The following GALNT17 variants were observed in gnomAD, a reference collection of about 807,000 sequenced individuals.
The protein encoded by GALNT17 is UDP-GalNAc:polypeptide N-acetylgalactosaminyltransferase-like 3.
Under a neutral mutation model 63.7 loss-of-function variants are expected in GALNT17, and 29 were observed. The observed-to-expected ratio is 0.46, with a 90% CI of 0.34 to 0.62. The LOEUF is 0.62. Among genes scored for constraint, GALNT17 ranks in the 20% least tolerant of loss-of-function variants. GALNT17 has a pLI of 0.01. For missense variants in GALNT17, 603 were observed against 799.6 expected (o/e 0.75, Z 2.97); for synonymous variants, 305 against 318.3 (o/e 0.96, Z 0.45).
chr7:71,316,904 A>G (rs1362328717), intron 1 of GALNT17, among the ~76,000 whole-genome samples: 3 of 152,206 alleles, frequency 2.0e-5, no homozygotes, highest in Non-Finnish European at 4.4e-5. Context: ...ACCAAAAACA[A>G]TACATTCAGG....
intron 1 of GALNT17, among the ~76,000 whole-genome samples, chr7:71,185,195 C>CTCTG (rs751342703): frequency 7.1e-6 from 1 of 141,702 alleles, no homozygotes; most frequent in Non-Finnish European, 1.5e-5. Context: ...CTCTGTCTCT[C>CTCTG]TCTGTCTGTC....
chr7:71,222,207 CT>C (rs1233209994), intron 1 of GALNT17, among the ~76,000 whole-genome samples: 7 of 151,844 alleles, frequency 4.6e-5, no homozygotes, highest in African/African-American at 1.7e-4. Flanking sequence ...ACTGCTGGCC[CT>C]TATTTAGATT....
intron 9 of GALNT17, among the ~76,000 whole-genome samples, chr7:71,699,526 A>G (rs565180572): frequency 6.6e-6 from 1 of 152,082 alleles, no homozygotes; most frequent in Admixed American, 6.5e-5. Context: ...GGAGAGTGAA[A>G]TGTTGAATTA....
At chr7:71,350,549 TAAAA>T (rs897610891) in intron 2 of GALNT17, among the ~76,000 whole-genome samples, 5 of 151,788 alleles carry the variant, frequency 3.3e-5, no homozygotes, top group African/African-American at 9.7e-5. Context: ...AAAATACAAA[TAAAA>T]AAACACTACA....
chr7:71,320,788 G>A (rs1791591910), intron 1 of GALNT17, among the ~76,000 whole-genome samples: 1 of 152,012 alleles, frequency 6.6e-6, no homozygotes, highest in African/African-American at 2.4e-5. Context: ...ATTTTATTAG[G>A]GTGATCCGTT....
At position 71,182,184 on chromosome 7, in the gene GALNT17, AAAT is replaced by A. The variant is rs1285952968; in HGVS notation, c.238+49147_238+49149del. ...GAGCGAAACTCCATCTAAAAAAAAT[AAAT>A]AAATAAGAGAGAGAATCACTAGTTG... On this transcript the variant is annotated intron_variant, in intron 1 of 10. Coordinates refer to ENST00000333538, the MANE Select transcript of GALNT17 (RefSeq NM_022479.3). Among the ~76,000 whole-genome samples the A allele has an allele frequency of 2.9e-3, 446 of 151,488 alleles. 1 individual carries two copies. Among genetic ancestry groups the A allele is most frequent in the African/African-American group, 0.01 (413 of 41,070 alleles).
At chr7:71,549,871 G>A (rs1364371542) in intron 5 of GALNT17, among the ~76,000 whole-genome samples, 3 of 151,744 alleles carry the variant, frequency 2.0e-5, no homozygotes, top group Non-Finnish European at 2.9e-5. Context: ...GATTCTCTCC[G>A]TAAAAGCATC....
chr7:71,466,653 G>A (rs1787540977), intron 5 of GALNT17, among the ~76,000 whole-genome samples: 1 of 152,056 alleles, frequency 6.6e-6, no homozygotes, highest in African/African-American at 2.4e-5. Context: ...CCTGCTACCT[G>A]GAGGCTTCAT....
At chr7:71,550,569 C>T (rs1231501972) in intron 5 of GALNT17, among the ~76,000 whole-genome samples, 1 of 152,030 alleles carries the variant, frequency 6.6e-6, no homozygotes, top group Non-Finnish European at 1.5e-5. Context: ...TTAATAGAGA[C>T]AGGATTTTGC....
chr7:71,475,974 C>G (rs1374102932), intron 5 of GALNT17, among the ~76,000 whole-genome samples: 2 of 111,482 alleles, frequency 1.8e-5, no homozygotes, highest in East Asian at 1.9e-3. Flanking sequence ...TTTAGTGATA[C>G]TACTACTCCT....
At chr7:71,573,367 G>T (rs1789484019) in intron 6 of GALNT17, among the ~76,000 whole-genome samples, 1 of 151,576 alleles carries the variant, frequency 6.6e-6, no homozygotes, top group Non-Finnish European at 1.5e-5. Context: ...GTCTTGCTCT[G>T]TCGCCCAGGC....
chr7:71,439,943 C>CTTTTTTTT (rs370145707), intron 5 of GALNT17, among the ~76,000 whole-genome samples: 2 of 123,412 alleles, frequency 1.6e-5, no homozygotes, highest in African/African-American at 6.0e-5. Flanking sequence ...TCCAGGCCCT[C>CTTTTTTTT]TTTTTTTTTT....
chr7:71,263,199 A>C (rs1790417231), intron 1 of GALNT17, among the ~76,000 whole-genome samples: 1 of 151,848 alleles, frequency 6.6e-6, no homozygotes, highest in Admixed American at 6.6e-5. Flanking sequence ...CTCTACTAAA[A>C]ATATAAAAAA....
At chr7:71,610,988 CAAAAAA>C (rs11447692) in intron 6 of GALNT17, among the ~76,000 whole-genome samples, 14 of 127,050 alleles carry the variant, frequency 1.1e-4, no homozygotes, top group Admixed American at 5.9e-4. Context: ...GACTCCATTT[CAAAAAA>C]AAAAAAAAAA....
chr7:71,347,682 G>T (rs534136410), intron 2 of GALNT17, among the ~76,000 whole-genome samples: 3 of 152,136 alleles, frequency 2.0e-5, no homozygotes, highest in African/African-American at 7.2e-5. Context: ...CAGGGTGATG[G>T]TGAGAGTCTG....
At chr7:71,488,574 CTTTTTTTTTTT>C (rs965444360) in intron 5 of GALNT17, among the ~76,000 whole-genome samples, 15 of 100,650 alleles carry the variant, frequency 1.5e-4, no homozygotes, top group Non-Finnish European at 2.7e-4. Flanking sequence ...ACTTGCCCTT[CTTTTTTTTTTT>C]TTTTTTTTTT....
In GALNT17 at chr7:71,357,995, G is replaced by A. The variant is rs191047918; in HGVS notation, c.422+22262G>A. On this transcript the variant is annotated intron_variant, in intron 2 of 10. Transcript: ENST00000333538. ...GGAACATGGGAGGGGACAAATAAGG[G>A]AATAAAAGCTGGCCACCCCAGCCAG... Among the ~76,000 whole-genome samples the A allele has an allele frequency of 3.7e-3, 566 of 152,270 alleles. 3 individuals are homozygous for A. The highest frequency in any genetic ancestry group is 0.013 in the African/African-American group (532 of 41,558).
intron 6 of GALNT17, among the ~76,000 whole-genome samples, chr7:71,637,183 T>TTTTA (rs919092761): frequency 1.2e-4 from 19 of 152,070 alleles, no homozygotes; most frequent in Admixed American, 2.6e-4. Context: ...TATTATTTAT[T>TTTTA]TTTATTTATT....
intron 6 of GALNT17, among the ~76,000 whole-genome samples, chr7:71,591,452 T>C (rs997728436): frequency 1.3e-5 from 2 of 152,154 alleles, no homozygotes; most frequent in Non-Finnish European, 2.9e-5. Context: ...TAGATGTCTG[T>C]GAAAGAGCCA....
Sources: allele counts gnomAD v4.1 joint callset (sites outside exome capture counted in the v4.1 genomes callset), GRCh38; gene constraint gnomAD v4.1.1; transcripts MANE v1.5; gene names NCBI Gene and HGNC (gene_info 2026-07-23, HGNC 2026-07-21).